PNPLA6: variants seen among roughly 807,000 people sequenced by gnomAD.
The protein encoded by PNPLA6 is patatin like domain 6, lysophospholipase.
In PNPLA6, 105 loss-of-function variants were observed where a neutral mutation model predicts 153.7. The observed-to-expected ratio is 0.68, with a 90% CI of 0.58 to 0.80. The LOEUF is 0.80. PNPLA6 is among the 30% of genes least tolerant of loss of function. The pLI is 0.00. For missense variants in PNPLA6, 1,423 were observed against 1,919.3 expected (o/e 0.74, Z 4.83); for synonymous variants, 825 against 822.2 (o/e 1.00, Z -0.06).
chr19:7,548,805 T>TC (rs2023505026), intron 13 of PNPLA6, among the ~76,000 whole-genome samples: 1 of 74,780 alleles, frequency 1.3e-5, no homozygotes. Flanking sequence ...ATTTTTCTTT[T>TC]TTTTTTTTTT....
In PNPLA6 at chr19:7,558,858, GC is replaced by G; in HGVS notation, c.3409del (p.Arg1137AlafsTer38). 6.2e-7 allele frequency: 1 copy of G among 1,608,412 alleles called. No individual in the cohort carries two copies. Among genetic ancestry groups the G allele is most frequent in the Non-Finnish European group, 8.5e-7 (1 of 1,179,638 alleles). On this transcript the variant is annotated frameshift_variant, in exon 28 of 32. Transcript: ENST00000600737. LOFTEE classifies it high-confidence loss of function. ...GYINNLPADI[A>X]RSMGAKTVIA... ...CCCCCCTGGCCCCACAGCGGACATC[GC>G]CCGCAGCATGGGTGCCAAAACGGTC...
chr19:7,538,253 C>T (rs1332508194), intron 3 of PNPLA6, among the ~76,000 whole-genome samples: 1 of 152,106 alleles, frequency 6.6e-6, no homozygotes, highest in Non-Finnish European at 1.5e-5. Flanking sequence ...AATCACAGCT[C>T]ACTGCAGCCT....
chr19:7,549,714 T>TGGCCTCAAGTGATCCCCC, intron 13 of PNPLA6, 193 bp from the exon 14 acceptor site: 1 of 624,952 alleles, frequency 1.6e-6, no homozygotes, highest in East Asian at 2.8e-5. Flanking sequence ...GCCGAACTCC[T>TGGCCTCAAGTGATCCCCC]GGCCTCAAGT....
At chr19:7,561,372 G>A (rs2024093901) in intron 31 of PNPLA6, 55 bp downstream of exon 31, 1 of 1,457,106 alleles carries the variant, frequency 6.9e-7, no homozygotes, top group African/African-American at 1.4e-5. Context: ...CATGAGTACA[G>A]TGTCAGGCAG....
chr19:7,539,855 C>G, intron 3 of PNPLA6, 63 bp from the exon 4 acceptor site: 1 of 1,154,566 alleles, frequency 8.7e-7, no homozygotes. Flanking sequence ...ATGCGGGGGT[C>G]TTAGGTTTGC....
rs1413378997 is a variant in PNPLA6, at chr19:7,556,319, T to C, written c.3094-134T>C. ...CTCAAGTGATCTGCCCGCCTTGGCC[T>C]CCAAAGTGCTGGGATTACCAGTGTG... On this transcript the variant is annotated intron_variant, in intron 24 of 31. Coordinates refer to ENST00000600737, the MANE Select transcript of PNPLA6 (RefSeq NM_001166114.2). 3 of 761,976 alleles carry C rather than the reference T, an allele frequency of 3.9e-6. No individual in the cohort carries two copies. The East Asian group carries it at 7.3e-5, about 19-fold the overall frequency. 47.2% of individuals were successfully genotyped at this position (761,976 alleles called of 1,614,324 possible).
At chr19:7,546,736 T>C (rs773539010) in intron 13 of PNPLA6, among the ~76,000 whole-genome samples, 6 of 152,084 alleles carry the variant, frequency 3.9e-5, no homozygotes, top group Non-Finnish European at 7.4e-5. Context: ...TGTAGACATA[T>C]ATTTTATTTA....
chr19:7,555,791 A>G lies in PNPLA6; in HGVS notation c.3093+28A>G. ...GTGTGTTGCGAGGAGGGATTGCTGC[A>G]CCCCAGGAGTGCCATAAAACCCGTG... On this transcript the variant is annotated intron_variant, in intron 24 of 31. Coordinates refer to ENST00000600737, the MANE Select transcript of PNPLA6 (RefSeq NM_001166114.2). The surrounding 1 kb of genome is among the most constrained non-coding windows in gnomAD (Gnocchi z 6.3). 1.2e-6 allele frequency: 2 copies of G among 1,610,212 alleles called. No individual in the cohort carries two copies. The highest frequency in any genetic ancestry group is 1.7e-6 in the Non-Finnish European group (2 of 1,179,290).
intron 13 of PNPLA6, among the ~76,000 whole-genome samples, chr19:7,549,329 G>T (rs1205410652): frequency 6.6e-6 from 1 of 150,462 alleles, no homozygotes; most frequent in African/African-American, 2.4e-5. Flanking sequence ...TGGGACTACA[G>T]GCGCCCGCCA....
At chr19:7,535,141 G>C, upstream of PNPLA6, 1 of 379,568 alleles carries the variant, frequency 2.6e-6, no homozygotes. This position sits in a 1 kb window ranked among gnomAD's most constrained non-coding sequence, Gnocchi z 5.0. Context: ...CAGTGACCCG[G>C]GAGGAAGTCA....
upstream of PNPLA6, chr19:7,534,647 G>C (rs2022756303): frequency 6.6e-6 from 1 of 152,612 alleles, no homozygotes; most frequent in Admixed American, 6.5e-5. Context: ...CCCACCTCCT[G>C]GTTTTCCCAG....
intron 3 of PNPLA6, among the ~76,000 whole-genome samples, chr19:7,538,628 C>A (rs2146045103): frequency 6.6e-6 from 1 of 152,264 alleles, no homozygotes; most frequent in Admixed American, 6.5e-5. Context: ...CTCCCAGGTC[C>A]ACGATTAGCA....
chr19:7,550,288 G>T lies in PNPLA6; in HGVS notation c.1815-10G>T. 1.2e-6 allele frequency: 2 copies of T among 1,612,912 alleles called. No homozygotes were observed. The highest frequency in any genetic ancestry group is 1.7e-6 in the Non-Finnish European group (2 of 1,180,048). On this transcript the variant is annotated splice_polypyrimidine_tract_variant and intron_variant, in intron 14 of 31. Coordinates refer to ENST00000600737, the MANE Select transcript of PNPLA6 (RefSeq NM_001166114.2). ...GGCCTTCCTCTTTCATCCCAAGTCTGTTCCTGCAGGATCATGCGCGCACAG... is the reference window on the plus strand; with the variant it reads ...GGCCTTCCTCTTTCATCCCAAGTCTTTTCCTGCAGGATCATGCGCGCACAG...
chr19:7,558,587 G>A (rs1306054161), intron 27 of PNPLA6, among the ~76,000 whole-genome samples: 3 of 152,198 alleles, frequency 2.0e-5, no homozygotes, highest in South Asian at 2.1e-4. Context: ...AGCCCAGATC[G>A]TGCCATTGCA....
rs769225275 is a variant in PNPLA6, at chr19:7,554,301, G to A, written c.2465+29G>A. ...TGTGTTGCAGAAGGGAGTGGGGAGG[G>A]TGGTGGGTGGGCCTGGAGCCTCAAA... On this transcript the variant is annotated intron_variant, in intron 20 of 31. Coordinates refer to ENST00000600737, the MANE Select transcript of PNPLA6 (RefSeq NM_001166114.2). 10 of 1,593,848 alleles carry A rather than the reference G, an allele frequency of 6.3e-6. No homozygotes were observed. In the East Asian group the frequency reaches 2.2e-4, roughly 36 times the overall value.
Position 7,550,511 on chromosome 19 carries a change from A to G in PNPLA6, c.1947-6A>G, listed in dbSNP as rs752932750. 1.2e-6 allele frequency: 2 copies of G among 1,612,962 alleles called. No homozygotes were observed. Among genetic ancestry groups the G allele is most frequent in the Admixed American group, 1.7e-5 (1 of 59,996 alleles). On this transcript the variant is annotated splice_region_variant and splice_polypyrimidine_tract_variant and intron_variant, in intron 15 of 31. Coordinates refer to ENST00000600737, the MANE Select transcript of PNPLA6 (RefSeq NM_001166114.2). ...TCAGACCTTGCTGACCTCCACGCCC[A>G]CTCAGGCAGGGCGACCGCTCCGACT...
At position 7,555,098 on chromosome 19, in the gene PNPLA6, C is replaced by G; in HGVS notation, c.2817+23C>G. On this transcript the variant is annotated intron_variant, in intron 22 of 31. Coordinates refer to ENST00000600737, the MANE Select transcript of PNPLA6 (RefSeq NM_001166114.2). This position sits in a 1 kb window ranked among gnomAD's most constrained non-coding sequence, Gnocchi z 6.3. ...CTGGTGAGGAGCGGGCCGGCCCCCACCTTCTAGGGGCGTGGCTGGTGGGCG... is the reference window on the plus strand; with the variant it reads ...CTGGTGAGGAGCGGGCCGGCCCCCAGCTTCTAGGGGCGTGGCTGGTGGGCG... The G allele has an allele frequency of 6.3e-7, 1 of 1,589,458 alleles. No individual in the cohort carries two copies. Among genetic ancestry groups the G allele is most frequent in the Non-Finnish European group, 8.5e-7 (1 of 1,175,812 alleles).
chr19:7,557,131 T>C, intron 26 of PNPLA6, 37 bp from the exon 27 acceptor site: 1 of 1,462,596 alleles, frequency 6.8e-7, no homozygotes, highest in Non-Finnish European at 9.5e-7. Context: ...TCTGAGCGTG[T>C]CTGTGCGTGT....
chr19:7,535,676 A>T, upstream of PNPLA6: 2 of 1,534,078 alleles, frequency 1.3e-6, no homozygotes, highest in South Asian at 1.2e-5. This position sits in a 1 kb window ranked among gnomAD's most constrained non-coding sequence, Gnocchi z 5.0. Context: ...TCTGGCGATA[A>T]CGCGCTGCGT....
Sources: allele counts gnomAD v4.1 joint callset (sites outside exome capture counted in the v4.1 genomes callset), GRCh38; gene constraint gnomAD v4.1.1; non-coding constraint Gnocchi (gnomAD v3.1); transcripts MANE v1.5; gene names NCBI Gene and HGNC (gene_info 2026-07-23, HGNC 2026-07-21).